Variants in TMEM150B observed in about 807,000 individuals in gnomAD.
TMEM150B encodes the protein modulator of macroautophagy TMEM150B.
In TMEM150B, 33 loss-of-function variants were observed where a neutral mutation model predicts 25.2. That is an observed-to-expected ratio of 1.31 (90% confidence interval 0.99 to 1.75). The LOEUF is 1.75. TMEM150B is among the 40% of genes most tolerant of loss of function. TMEM150B has a pLI of 0.00. For missense variants in TMEM150B, 322 were observed against 306.1 expected, an observed-to-expected ratio of 1.05 and a Z score of -0.39; for synonymous variants, 133 against 134.8, an observed-to-expected ratio of 0.99 and a Z score of 0.09.
chr19:55,319,070 C>T lies in TMEM150B; in HGVS notation c.324+969G>A, dbSNP rs150466011. ...CTCAGCCTCCAAAGTCCTGGGATTA[C>T]AGGCATGAACCACTGTGCCCAGCCT... On this transcript the variant is annotated intron_variant, in intron 6 of 7. Coordinates refer to ENST00000326652, the MANE Select transcript of TMEM150B (RefSeq NM_001282011.2). Among the ~76,000 whole-genome samples the T allele has an allele frequency of 1.8e-4, 28 of 152,230 alleles. No homozygotes were observed. The East Asian group carries it at 5.0e-3, about 27-fold the overall frequency.
intron 6 of TMEM150B, among the ~76,000 whole-genome samples, chr19:55,319,023 T>A (rs140173514): frequency 1.9e-3 from 293 of 152,192 alleles, no homozygotes; most frequent in African/African-American, 6.7e-3. Flanking sequence ...TCCAGGCTGG[T>A]CTTGAACTCC....
intron 6 of TMEM150B, 142 bp from the exon 7 acceptor site, chr19:55,317,108 G>T: frequency 1.5e-6 from 1 of 667,262 alleles, no homozygotes; most frequent in Non-Finnish European, 2.4e-6. Context: ...AAGCACATCA[G>T]CTATTGTCAG....
chr19:55,316,568 C>T (rs879746280), intron 7 of TMEM150B, among the ~76,000 whole-genome samples: 3 of 151,942 alleles, frequency 2.0e-5, no homozygotes, highest in Admixed American at 6.6e-5. Context: ...AGTAACAGCC[C>T]GCGGAAGTTT....
chr19:55,316,468 G>T (rs747109368), intron 7 of TMEM150B, among the ~76,000 whole-genome samples: 1 of 151,854 alleles, frequency 6.6e-6, no homozygotes, highest in Non-Finnish European at 1.5e-5. Context: ...TCTAAGCACC[G>T]TATGCCTATT....
chr19:55,309,548 A>G (rs1486422158), downstream of TMEM150B, among the ~76,000 whole-genome samples: 1 of 152,230 alleles, frequency 6.6e-6, no homozygotes, highest in East Asian at 1.9e-4. Context: ...CCTGGGTCAC[A>G]GACAGCACGT....
chr19:55,323,679 T>C (rs944185362), intron 1 of TMEM150B, among the ~76,000 whole-genome samples: 3 of 151,236 alleles, frequency 2.0e-5, no homozygotes, highest in African/African-American at 7.3e-5. Context: ...ATTTTTGTAT[T>C]TTTAGTAGAG....
chr19:55,312,556 AAAAAAAGATAATAAT>A (rs1184174079), downstream of TMEM150B: 2 of 257,752 alleles, frequency 7.8e-6, no homozygotes, highest in Non-Finnish European at 1.4e-5. Context: ...AAAAAAAAAA[AAAAAAAGATAATAAT>A]AATAAATAGC....
Position 55,320,452 on chromosome 19 carries a change from G to A in TMEM150B, c.135C>T (p.Cys45=), listed in dbSNP as rs1407456364. The change falls in exon 5 of 8, where the codon TGC becomes TGT. Residue 45 remains cysteine, a synonymous_variant. Coordinates refer to ENST00000326652, the MANE Select transcript of TMEM150B (RefSeq NM_001282011.2). ...TGCAGCTCTGAGGGGGGAAGGATCC[G>A]CAGATGCTGGGGAAGACAAAGGGGT... is the stretch of plus-strand genomic sequence containing the variant. The part of the protein sequence containing the change: ...LSKGFPYISI[C]GSFPPQSCIF... 3.1e-6 allele frequency: 5 copies of A among 1,592,616 alleles called. No homozygotes were observed. Among genetic ancestry groups the A allele is most frequent in the East Asian group, 4.5e-5 (2 of 44,624 alleles).
chr19:55,318,542 A>G (rs1213266474), intron 6 of TMEM150B, among the ~76,000 whole-genome samples: 3 of 151,992 alleles, frequency 2.0e-5, no homozygotes, highest in African/African-American at 7.3e-5. Context: ...AGGTTGAGGC[A>G]GGAGAATCGC....
At chr19:55,320,846 G>T (rs2089186797) in intron 3 of TMEM150B, 123 bp downstream of exon 3, 3 of 1,232,486 alleles carry the variant, frequency 2.4e-6, no homozygotes, top group Non-Finnish European at 3.3e-6. Context: ...CAGGCCTCCA[G>T]CTCCTCCTCC....
At chr19:55,316,286 A>G (rs566826024) in intron 7 of TMEM150B, among the ~76,000 whole-genome samples, 1 of 152,236 alleles carries the variant, frequency 6.6e-6, no homozygotes, top group African/African-American at 2.4e-5. Context: ...GCCTATCACC[A>G]GCTCCATTGC....
In TMEM150B at chr19:55,320,093, G is replaced by C; in HGVS notation, c.270C>G (p.Ile90Met). The change falls in exon 6 of 8, where the codon ATC becomes ATG. Residue 90 changes from isoleucine to methionine, a missense_variant. Coordinates refer to ENST00000326652, the MANE Select transcript of TMEM150B (RefSeq NM_001282011.2). ...WGVRRWPNQL[I>M]LWTGLLCALG... ...GGGCACACAGAAGACCCGTCCATAGGATCAGCTGGTTAGGCCACCTTCTGA... is the reference window on the plus strand; with the variant it reads ...GGGCACACAGAAGACCCGTCCATAGCATCAGCTGGTTAGGCCACCTTCTGA... 1 of 1,614,158 alleles carries C rather than the reference G, an allele frequency of 6.2e-7. No individual in the cohort carries two copies. The highest frequency in any genetic ancestry group is 1.1e-5 in the South Asian group (1 of 91,076).
At position 55,316,806 on chromosome 19, in the gene TMEM150B, C is replaced by A. The variant is rs1441632708; in HGVS notation, c.485G>T (p.Cys162Phe). 1.3e-6 allele frequency: 2 copies of A among 1,559,710 alleles called. No homozygotes were observed. Among genetic ancestry groups the A allele is most frequent in the Non-Finnish European group, 1.7e-6 (2 of 1,160,284 alleles). ...GATACTGGCCACAATGAGGATGGTG[C>A]AGACGCTGCAGAGGCCCAGGCGGAG... ...GPLRLGLCSV[C>F]TILIVAMIVL... Residue 162 changes from cysteine (C) to phenylalanine (F), a missense_variant, in exon 7 of 8, where the codon TGC (cysteine) becomes TTC (phenylalanine). Transcript: ENST00000326652.
intron 4 of TMEM150B, 37 bp from the exon 5 acceptor site, chr19:55,320,495 G>A (rs373474042): frequency 5.0e-4 from 802 of 1,610,286 alleles, no homozygotes; most frequent in Non-Finnish European, 6.3e-4. Context: ...GGCAATCCAA[G>A]CTAGGGCCTC....
chr19:55,310,856 G>A (rs959131573), downstream of TMEM150B, among the ~76,000 whole-genome samples: 1 of 152,166 alleles, frequency 6.6e-6, no homozygotes, highest in African/African-American at 2.4e-5. This position sits in a 1 kb window ranked among gnomAD's most constrained non-coding sequence, Gnocchi z 5.0. Flanking sequence ...GAAGATGTAG[G>A]ACTAACAGGC....
chr19:55,311,954 C>G (rs754147201), downstream of TMEM150B: 2 of 1,609,514 alleles, frequency 1.2e-6, no homozygotes, highest in Non-Finnish European at 1.7e-6. Flanking sequence ...GTGCCCCACC[C>G]CGAAGCCTGC....
intron 7 of TMEM150B, among the ~76,000 whole-genome samples, chr19:55,314,600 C>A (rs564147915): frequency 4.6e-5 from 7 of 152,256 alleles, no homozygotes; most frequent in East Asian, 3.9e-4. Context: ...TTCCCTCCCC[C>A]ACCTACCCCA....
At chr19:55,317,344 T>C (rs2089039580) in intron 6 of TMEM150B, among the ~76,000 whole-genome samples, 1 of 152,188 alleles carries the variant, frequency 6.6e-6, no homozygotes, top group African/African-American at 2.4e-5. Flanking sequence ...CCATTAAAAT[T>C]TTAAAATACT....
Position 55,312,982 on chromosome 19 carries a change from G to A in TMEM150B, c.579C>T (p.Phe193=), listed in dbSNP as rs774513528. 2.4e-5 allele frequency: 39 copies of A among 1,613,516 alleles called. No individual in the cohort carries two copies. The highest frequency in any genetic ancestry group is 1.7e-4 in the Middle Eastern group (1 of 5,946). Residue 193 remains phenylalanine, a synonymous_variant, in exon 8 of 8, where the codon TTC becomes TTT. Transcript: ENST00000326652. ...ACEWVVAMLL[F]ALFGLLAVDF... is the part of the protein sequence containing the mutation. ...CAACGGCTAAGAGACCGAAGAGCGC[G>A]AACAGCAGCATGGCCACGACCCACT...
Sources: gnomAD v4.1 joint callset for allele counts (sites outside exome capture counted in the v4.1 genomes callset) on GRCh38, gnomAD v4.1.1 for gene constraint, Gnocchi (gnomAD v3.1) non-coding constraint, MANE v1.5 for transcripts, NCBI Gene and HGNC (gene_info 2026-07-23, HGNC 2026-07-21) for gene names.